PRH1: variants seen among roughly 807,000 people sequenced by gnomAD.
The protein encoded by PRH1 is proline rich protein HaeIII subfamily 1.
A neutral mutation model predicts 7.9 loss-of-function variants in PRH1; 7 were observed. The ratio of observed to expected loss-of-function variants is 0.89; its 90% CI spans 0.50 to 1.67. The LOEUF (loss-of-function observed/expected upper bound fraction) is 1.67, where lower values mean the gene tolerates loss of function less well. Among genes scored for constraint, PRH1 ranks in the 40% most tolerant of loss-of-function variants. The pLI is 0.00. For synonymous variants in PRH1, 45 were observed against 80.8 expected, an observed-to-expected ratio of 0.56 and a Z score of 2.38; for missense variants, 109 against 223.6, an observed-to-expected ratio of 0.49 and a Z score of 3.27.
At chr12:11,059,575 A>G (rs1424454272) in intron 1 of PRH1, among the ~76,000 whole-genome samples, 2 of 147,710 alleles carry the variant, frequency 1.4e-5, no homozygotes, top group Non-Finnish European at 3.0e-5. Flanking sequence ...AAATAGACCA[A>G]GGTTGTTTAT....
intron 2 of PRH1, among the ~76,000 whole-genome samples, chr12:10,952,869 G>T (rs927447582): frequency 6.6e-6 from 1 of 152,114 alleles, no homozygotes; most frequent in African/African-American, 2.4e-5. Flanking sequence ...GCGTTACACT[G>T]TCACTATTCA....
intron 1 of PRH1, among the ~76,000 whole-genome samples, chr12:11,014,621 T>A (rs68093605): frequency 2.0e-5 from 3 of 151,586 alleles, no homozygotes; most frequent in East Asian, 3.9e-4. Context: ...AACCTCAACC[T>A]GTTGTCAGGA....
At chr12:11,047,922 A>C (rs1942969277), upstream of PRH1, among the ~76,000 whole-genome samples, 1 of 152,272 alleles carries the variant, frequency 6.6e-6, no homozygotes, top group Non-Finnish European at 1.5e-5. Context: ...ATGATAGTTA[A>C]GTACATATAT....
rs1224796645 is a variant in PRH1 at position 11,020,897 on chromosome 12, G to T, written c.-126+26123C>A. Among the ~76,000 whole-genome samples the T allele has an allele frequency of 7.4e-5, 10 of 135,742 alleles. No homozygotes were observed. In the South Asian group the frequency reaches 2.3e-3, roughly 31 times the overall value. The allele number at this position is 135,742 out of a possible 152,430, so 89.1% of individuals were successfully genotyped here. The stretch of plus-strand genomic sequence containing the variant: ...ACATCAGATGTCAACTTCACAAAAG[G>T]TTTCCTTTAATTCAAAAAGTGGAAG... On this transcript the variant is annotated intron_variant, in intron 1 of 3. Coordinates refer to the PRH1 transcript ENST00000539853.
chr12:11,130,354 T>G (rs1041576282), intron 1 of PRH1, among the ~76,000 whole-genome samples: 16 of 152,172 alleles, frequency 1.1e-4, no homozygotes, highest in Non-Finnish European at 1.6e-4. Flanking sequence ...ACAATCTTTT[T>G]TACAGTAAAC....
chr12:11,013,659 A>G (rs1941160118), intron 1 of PRH1, among the ~76,000 whole-genome samples: 1 of 152,164 alleles, frequency 6.6e-6, no homozygotes, highest in Admixed American at 6.6e-5. Flanking sequence ...TTTTAAATAA[A>G]ACTAAATTAG....
intron 1 of PRH1, among the ~76,000 whole-genome samples, chr12:11,099,542 C>CA (rs1945168817): frequency 6.6e-6 from 1 of 152,052 alleles, no homozygotes; most frequent in Non-Finnish European, 1.5e-5. Flanking sequence ...ACTAAAAATA[C>CA]AAAAATTAGG....
intron 2 of PRH1, among the ~76,000 whole-genome samples, chr12:10,936,234 C>A (rs1460748153): frequency 3.3e-5 from 5 of 150,754 alleles, no homozygotes; most frequent in Non-Finnish European, 7.4e-5. Context: ...GATAAGACAA[C>A]AAGAATTCCT....
chr12:10,970,628 A>G (rs912269271), intron 2 of PRH1, among the ~76,000 whole-genome samples: 2 of 151,586 alleles, frequency 1.3e-5, no homozygotes, highest in Non-Finnish European at 2.9e-5. Context: ...GCAATGGCAC[A>G]ATCTCAGCCC....
intron 1 of PRH1, among the ~76,000 whole-genome samples, chr12:11,009,372 T>A (rs1193878278): frequency 6.6e-6 from 1 of 151,972 alleles, no homozygotes; most frequent in Non-Finnish European, 1.5e-5. Context: ...TTATTTTAAA[T>A]TTTTTAGTTA....
chr12:10,995,006 A>G (rs1940147062), intron 1 of PRH1, among the ~76,000 whole-genome samples: 3 of 152,190 alleles, frequency 2.0e-5, no homozygotes, highest in Admixed American at 1.3e-4. Flanking sequence ...CTGCTATATT[A>G]TAGTGATATT....
chr12:11,158,585 C>T (rs570394643), intron 1 of PRH1, among the ~76,000 whole-genome samples: 1 of 152,212 alleles, frequency 6.6e-6, no homozygotes, highest in South Asian at 2.1e-4. Context: ...ATAGTAGAGA[C>T]ATTTCCTTGA....
At chr12:11,014,505 G>A (rs1221448589) in intron 1 of PRH1, among the ~76,000 whole-genome samples, 2 of 152,132 alleles carry the variant, frequency 1.3e-5, no homozygotes, top group African/African-American at 4.8e-5. Context: ...AATAGTTAAA[G>A]AGGCTTCATA....
chr12:10,911,078 G>C (rs1007206506), intron 2 of PRH1, among the ~76,000 whole-genome samples: 2 of 152,272 alleles, frequency 1.3e-5, no homozygotes, highest in Middle Eastern at 3.4e-3. Flanking sequence ...TAAATATGTA[G>C]CTATGTGGCA....
In PRH1 at chr12:11,079,715, T is replaced by C. The variant is rs1156383048; in HGVS notation, n.124-32527A>G. 2.6e-5 allele frequency among the ~76,000 whole-genome samples: 3 copies of C among 117,498 alleles called. 1 individual carries two copies. Among genetic ancestry groups the C allele is most frequent in the Non-Finnish European group, 6.1e-5 (3 of 49,478 alleles). The allele number at this position is 117,498 out of a possible 152,430, so 77.1% of individuals were successfully genotyped here. A position where few individuals can be genotyped will look rare whatever the true frequency, so the allele number is the denominator to read the frequency against. On this transcript the variant is annotated intron_variant and non_coding_transcript_variant, in intron 1 of 4. Transcript: ENST00000541977. ...AAGTTTTGTCACATGAAGTGGATAA[T>C]TAAACCTAAAAGAAAAACCTATTGA... is the stretch of plus-strand genomic sequence containing the variant.
chr12:11,166,948 T>C (rs568193096), intron 1 of PRH1, among the ~76,000 whole-genome samples: 1 of 152,176 alleles, frequency 6.6e-6, no homozygotes, highest in Admixed American at 6.5e-5. Context: ...GTCAGAAGTG[T>C]TGCATCTCTC....
intron 1 of PRH1, among the ~76,000 whole-genome samples, chr12:11,168,134 A>T (rs1239725457): frequency 6.6e-6 from 1 of 151,224 alleles, no homozygotes; most frequent in South Asian, 2.1e-4. Context: ...TTTAGCTCTG[A>T]GTATGTTCTG....
intron 2 of PRH1, among the ~76,000 whole-genome samples, chr12:10,967,174 T>C (rs1272027788): frequency 6.6e-6 from 1 of 150,582 alleles, no homozygotes; most frequent in Non-Finnish European, 1.5e-5. Context: ...GTACTTCAGG[T>C]AGCGTCTTCT....
intron 1 of PRH1, among the ~76,000 whole-genome samples, chr12:11,136,839 AC>A (rs1211990184): frequency 6.6e-6 from 1 of 152,158 alleles, no homozygotes; most frequent in African/African-American, 2.4e-5. Flanking sequence ...TGTGCAATAC[AC>A]CGAAACTCCC....
Sources: gnomAD v4.1 joint callset for allele counts (sites outside exome capture counted in the v4.1 genomes callset) on GRCh38, gnomAD v4.1.1 for gene constraint, MANE v1.5 for transcripts, NCBI Gene and HGNC (gene_info 2026-07-23, HGNC 2026-07-21) for gene names.